The following CADPS2 variants were observed in gnomAD, a reference collection of about 807,000 sequenced individuals.
CADPS2 encodes calcium dependent secretion activator 2.
CADPS2 carries 93 observed loss-of-function variants against 172.5 expected under a neutral mutation model. The observed-to-expected ratio is 0.54, with a 90% confidence interval of 0.46 to 0.64. CADPS2 has a LOEUF of 0.64. Among genes scored for constraint, CADPS2 ranks in the 30% least tolerant of loss-of-function variants. The pLI is 0.00. For missense variants in CADPS2, 1,420 were observed against 1,565.9 expected (o/e 0.91, Z 1.57); for synonymous variants, 546 against 555.2 (o/e 0.98, Z 0.23).
chr7:122,466,851 C>A (rs1586326672), intron 14 of CADPS2, among the ~76,000 whole-genome samples: 2 of 152,148 alleles, frequency 1.3e-5, no homozygotes, highest in Non-Finnish European at 2.9e-5. Context: ...GGAGCCAGAA[C>A]AGGAATACAG....
In CADPS2 at chr7:122,527,582, T is replaced by TAGAG. The variant is rs35881192; in HGVS notation, c.1476-14271_1476-14268dup. Among the ~76,000 whole-genome samples, 898 of 91,118 alleles carry TAGAG rather than the reference T, an allele frequency of 9.9e-3. 7 individuals are homozygous for TAGAG. The highest frequency in any genetic ancestry group is 0.01 in the Non-Finnish European group (451 of 44,352). 59.8% of individuals were successfully genotyped at this position (91,118 alleles called of 152,430 possible). ...TAATACTGGTAAAGATAATACTGAA[T>TAGAG]AGAGAGAGAGAGAGAGAGAGAGAGA... On this transcript the variant is annotated intron_variant, in intron 8 of 29. Coordinates refer to ENST00000449022, the MANE Select transcript of CADPS2 (RefSeq NM_017954.11).
intron 2 of CADPS2, among the ~76,000 whole-genome samples, chr7:122,693,918 C>T (rs28550991): frequency 0.053 from 8,037 of 152,192 alleles, 266 homozygotes; most frequent in African/African-American, 0.065. Context: ...AAGCCAAGAT[C>T]GTGCCACTGC....
At chr7:122,779,160 T>A (rs1390752444) in intron 1 of CADPS2, among the ~76,000 whole-genome samples, 1 of 152,048 alleles carries the variant, frequency 6.6e-6, no homozygotes, top group East Asian at 1.9e-4. Flanking sequence ...TTAAACCTAT[T>A]TTTTTTTATA....
intron 7 of CADPS2, among the ~76,000 whole-genome samples, chr7:122,564,197 C>G (rs1374130186): frequency 1.3e-5 from 2 of 152,020 alleles, no homozygotes; most frequent in Non-Finnish European, 2.9e-5. Context: ...TAATAATGTA[C>G]CAAAATAACA....
At chr7:122,420,069 G>A (rs1405890208) in intron 17 of CADPS2, among the ~76,000 whole-genome samples, 1 of 152,094 alleles carries the variant, frequency 6.6e-6, no homozygotes, top group Non-Finnish European at 1.5e-5. Context: ...AGGTTATACA[G>A]TTTGTTGCTG....
intron 1 of CADPS2, among the ~76,000 whole-genome samples, chr7:122,802,731 C>T (rs1797924915): frequency 6.6e-6 from 1 of 152,142 alleles, no homozygotes; most frequent in Non-Finnish European, 1.5e-5. Flanking sequence ...TCTTAAAGCA[C>T]GTGTCTACTT....
intron 8 of CADPS2, among the ~76,000 whole-genome samples, chr7:122,531,505 C>T (rs1005733560): frequency 2.0e-5 from 3 of 152,134 alleles, no homozygotes; most frequent in Non-Finnish European, 4.4e-5. Flanking sequence ...ACAAAATTAC[C>T]TACTTATTAA....
rs1266549555 is a variant in CADPS2 at position 122,480,373 on chromosome 7, A to C, written c.1861+479T>G. Among the ~76,000 whole-genome samples, 3 of 151,858 alleles carry C rather than the reference A, an allele frequency of 2.0e-5. No homozygotes were observed. In the South Asian group the frequency reaches 6.2e-4, roughly 31 times the overall value. On this transcript the variant is annotated intron_variant, in intron 12 of 29. Coordinates refer to ENST00000449022, the MANE Select transcript of CADPS2 (RefSeq NM_017954.11). ...AAGCTTCTGATTTATACTTCATTCT[A>C]AAGCACTGGGTTTGTGAAAAATAAA...
At chr7:122,857,598 T>C (rs1013712914) in intron 1 of CADPS2, among the ~76,000 whole-genome samples, 1 of 152,196 alleles carries the variant, frequency 6.6e-6, no homozygotes, top group Non-Finnish European at 1.5e-5. Context: ...ATTCCAATTA[T>C]GAGGTCCTGA....
intron 1 of CADPS2, among the ~76,000 whole-genome samples, chr7:122,834,073 G>T (rs1449510992): frequency 6.6e-6 from 1 of 152,138 alleles, no homozygotes; most frequent in Non-Finnish European, 1.5e-5. Flanking sequence ...AAACAGGTTT[G>T]GTTAAAGTAA....
chr7:122,617,489 G>A (rs2075056489), intron 5 of CADPS2, among the ~76,000 whole-genome samples: 1 of 152,086 alleles, frequency 6.6e-6, no homozygotes, highest in Non-Finnish European at 1.5e-5. Context: ...CTCTTCCCCA[G>A]TCTCTCTGTA....
chr7:122,799,057 C>A (rs971502334), intron 1 of CADPS2, among the ~76,000 whole-genome samples: 1 of 151,736 alleles, frequency 6.6e-6, no homozygotes, highest in African/African-American at 2.4e-5. Context: ...CATTTTCATA[C>A]AGTCACAAGA....
chr7:122,476,669 G>A (rs777568995), intron 12 of CADPS2, among the ~76,000 whole-genome samples: 14 of 151,788 alleles, frequency 9.2e-5, no homozygotes, highest in East Asian at 3.9e-4. Context: ...GACTCTACTC[G>A]GAAAAAACAG....
chr7:122,787,449 C>T (rs1794307520), intron 1 of CADPS2, among the ~76,000 whole-genome samples: 1 of 152,184 alleles, frequency 6.6e-6, no homozygotes, highest in Non-Finnish European at 1.5e-5. Context: ...AGACATATTT[C>T]ACTGCAAAGC....
intron 3 of CADPS2, among the ~76,000 whole-genome samples, chr7:122,650,095 G>A (rs1036873915): frequency 1.3e-5 from 2 of 151,006 alleles, no homozygotes; most frequent in African/African-American, 2.4e-5. Context: ...ATTTTTAGTA[G>A]AGACAGGTTT....
At chr7:122,433,829 T>C (rs2050292047) in intron 17 of CADPS2, among the ~76,000 whole-genome samples, 1 of 152,246 alleles carries the variant, frequency 6.6e-6, no homozygotes, top group African/African-American at 2.4e-5. Flanking sequence ...TCTGTTTGGT[T>C]GAAGCAAGGT....
chr7:122,438,318 C>T (rs374955101), intron 17 of CADPS2, 23 bp downstream of exon 17: 179 of 1,611,820 alleles, frequency 1.1e-4, no homozygotes, highest in Non-Finnish European at 1.4e-4. Context: ...ACTGCCACTT[C>T]GACAATTGCT....
At chr7:122,670,641 G>A (rs1483835246) in intron 2 of CADPS2, among the ~76,000 whole-genome samples, 2 of 151,944 alleles carry the variant, frequency 1.3e-5, no homozygotes, top group South Asian at 2.1e-4. Context: ...GGGAGTACAG[G>A]CACAAGCCAC....
chr7:122,549,305 A>G (rs182682021), intron 8 of CADPS2, among the ~76,000 whole-genome samples: 1 of 152,280 alleles, frequency 6.6e-6, no homozygotes, highest in African/African-American at 2.4e-5. Flanking sequence ...TGTCTACATG[A>G]CATTTATTTT....
Sources: allele counts gnomAD v4.1 joint callset (sites outside exome capture counted in the v4.1 genomes callset), GRCh38; gene constraint gnomAD v4.1.1; transcripts MANE v1.5; gene names NCBI Gene and HGNC (gene_info 2026-07-23, HGNC 2026-07-21).